The following MAPK8IP3 variants were observed in gnomAD, a reference collection of about 807,000 sequenced individuals.
MAPK8IP3 encodes the protein C-Jun-amino-terminal kinase-interacting protein 3.
MAPK8IP3 carries 49 observed loss-of-function variants against 157.8 expected under a neutral mutation model. The ratio of observed to expected loss-of-function variants is 0.31; its 90% CI spans 0.25 to 0.39. MAPK8IP3 has a LOEUF of 0.39. MAPK8IP3 is among the 10% of genes least tolerant of loss of function. The probability of loss-of-function intolerance (pLI) is 1.00; values close to 1 mark genes in which losing one functional copy is unlikely to be tolerated. For synonymous variants in MAPK8IP3, 897 were observed against 777.7 expected (o/e 1.15, Z -2.55); for missense variants, 1,478 against 1,889.4 (o/e 0.78, Z 4.04).
At chr16:1,747,860 C>T (rs936741649) in intron 6 of MAPK8IP3, among the ~76,000 whole-genome samples, 4 of 152,218 alleles carry the variant, frequency 2.6e-5, no homozygotes, top group African/African-American at 9.6e-5. Context: ...CACCCCATGG[C>T]ACACAGCCCC....
At chr16:1,767,006 G>T in intron 25 of MAPK8IP3, 35 bp downstream of exon 25, 1 of 1,569,580 alleles carries the variant, frequency 6.4e-7, no homozygotes. Context: ...GTGGGTGGCA[G>T]CTGATGGCCC....
chr16:1,730,249 A>G (rs924023647), intron 4 of MAPK8IP3, among the ~76,000 whole-genome samples: 1 of 151,990 alleles, frequency 6.6e-6, no homozygotes, highest in Non-Finnish European at 1.5e-5. Flanking sequence ...CAGCAGAGTG[A>G]GCCCCGTCTC....
intron 4 of MAPK8IP3, among the ~76,000 whole-genome samples, chr16:1,739,643 C>T (rs71385712): frequency 0.15 from 11,808 of 79,330 alleles, 1,261 homozygotes; most frequent in East Asian, 0.34. Flanking sequence ...TCCGTGTGAC[C>T]GTCCGTGTGA....
At chr16:1,765,202 C>T (rs1254326369) in intron 20 of MAPK8IP3, 24 bp downstream of exon 20, 9 of 1,575,096 alleles carry the variant, frequency 5.7e-6, no homozygotes, top group Admixed American at 1.7e-5. Context: ...GTGGGCGTTT[C>T]CACTCGGGCG....
intron 8 of MAPK8IP3, among the ~76,000 whole-genome samples, chr16:1,750,868 T>A (rs12933444): frequency 6.6e-6 from 1 of 151,838 alleles, no homozygotes; most frequent in Non-Finnish European, 1.5e-5. Context: ...CTGGTTTTGA[T>A]CTCCTGACCT....
At chr16:1,755,780 G>T (rs1358646842) in intron 8 of MAPK8IP3, among the ~76,000 whole-genome samples, 3 of 150,964 alleles carry the variant, frequency 2.0e-5, no homozygotes, top group South Asian at 4.2e-4. Flanking sequence ...CCGAGACGTG[G>T]AGGTTGCAGT....
intron 1 of MAPK8IP3, among the ~76,000 whole-genome samples, chr16:1,720,456 G>A (rs1292996290): frequency 6.6e-6 from 1 of 152,176 alleles, no homozygotes; most frequent in East Asian, 1.9e-4. Flanking sequence ...AAAAATGGAA[G>A]TGGTCGAGTA....
chr16:1,739,369 CGT>C (rs1695166152), intron 4 of MAPK8IP3, among the ~76,000 whole-genome samples: 1 of 124,096 alleles, frequency 8.1e-6, no homozygotes, highest in African/African-American at 3.1e-5. Context: ...TGTGAGCATC[CGT>C]GTGACCGTCC....
chr16:1,736,692 G>A (rs2039889876), intron 4 of MAPK8IP3, among the ~76,000 whole-genome samples: 1 of 73,948 alleles, frequency 1.4e-5, no homozygotes, highest in Admixed American at 1.9e-4. Flanking sequence ...CCGTGTGACC[G>A]ACCGTGTGAG....
rs772536508 is a variant in MAPK8IP3, at chr16:1,742,844, C to G, written c.603-488C>G. 6.6e-6 allele frequency among the ~76,000 whole-genome samples: 1 copy of G among 152,116 alleles called. No homozygotes were observed. The highest frequency in any genetic ancestry group is 1.9e-4 in the East Asian group (1 of 5,180). ...TGTCTGTTTAAAATTGAACTTAGGC[C>G]GGGCGCGGTGGCTCACGCCTGTAAT... On this transcript the variant is annotated intron_variant, in intron 4 of 31. Coordinates refer to ENST00000610761, the MANE Select transcript of MAPK8IP3 (RefSeq NM_001318852.2). The surrounding 1 kb of genome is among the most constrained non-coding windows in gnomAD (Gnocchi z 5.0).
intron 9 of MAPK8IP3, among the ~76,000 whole-genome samples, chr16:1,758,448 A>G (rs939918077): frequency 1.3e-5 from 2 of 152,162 alleles, no homozygotes; most frequent in African/African-American, 2.4e-5. Context: ...GTGACTGGAC[A>G]TGGCCAAGGC....
At chr16:1,761,180 C>T in intron 12 of MAPK8IP3, 44 bp from the exon 13 acceptor site, 1 of 1,508,662 alleles carries the variant, frequency 6.6e-7, no homozygotes, top group Non-Finnish European at 9.2e-7. Context: ...TCCCGAGGCC[C>T]CTGGGAGGCC....
rs1460761358 is a variant in MAPK8IP3 at position 1,742,153 on chromosome 16, C to T, written c.603-1179C>T. ...AGCAGTGTGGGCTCCAGCATCTGAC[C>T]ACGTGGCCTGCCCCCCAGACCTGAG... is the stretch of plus-strand genomic sequence containing the variant. On this transcript the variant is annotated intron_variant, in intron 4 of 31. Coordinates refer to ENST00000610761, the MANE Select transcript of MAPK8IP3 (RefSeq NM_001318852.2). This position sits in a 1 kb window ranked among gnomAD's most constrained non-coding sequence, Gnocchi z 5.0. Among the ~76,000 whole-genome samples the T allele has an allele frequency of 6.6e-6, 1 of 152,158 alleles. No individual in the cohort carries two copies. Among genetic ancestry groups the T allele is most frequent in the Non-Finnish European group, 1.5e-5 (1 of 68,030 alleles).
intron 4 of MAPK8IP3, among the ~76,000 whole-genome samples, chr16:1,737,970 GCGTGTGACCGTC>G (rs1199353716): frequency 1.2e-5 from 1 of 81,732 alleles, no homozygotes; most frequent in Non-Finnish European, 2.4e-5. Flanking sequence ...GTCCGTGTGA[GCGTGTGACCGTC>G]CGTGTGACCA....
intron 1 of MAPK8IP3, among the ~76,000 whole-genome samples, chr16:1,713,049 C>T (rs935937480): frequency 1.3e-5 from 2 of 152,240 alleles, no homozygotes; most frequent in African/African-American, 2.4e-5. Context: ...AGCCGGCTTT[C>T]CTCTGTCTCT....
intron 13 of MAPK8IP3, 111 bp downstream of exon 13, chr16:1,761,416 C>G (rs1023064863): frequency 3.1e-6 from 3 of 957,310 alleles, no homozygotes; most frequent in Non-Finnish European, 4.9e-6. Flanking sequence ...TCACCATTCA[C>G]AGGCAGAGCG....
chr16:1,727,689 G>T (rs1470524654), intron 2 of MAPK8IP3, among the ~76,000 whole-genome samples: 1 of 152,206 alleles, frequency 6.6e-6, no homozygotes, highest in Non-Finnish European at 1.5e-5. Flanking sequence ...CCTTAGGGAA[G>T]ACCAGACTGA....
chr16:1,742,449 G>C lies in MAPK8IP3; in HGVS notation c.603-883G>C, dbSNP rs1315378282. ...AGGTTCGGGGCTCCCTGACAGCAGA[G>C]AGGACACGTGGGGAGGGAGAAGACG... On this transcript the variant is annotated intron_variant, in intron 4 of 31. Transcript: ENST00000610761. The surrounding 1 kb of genome is among the most constrained non-coding windows in gnomAD (Gnocchi z 5.0). Among the ~76,000 whole-genome samples the C allele has an allele frequency of 6.6e-6, 1 of 152,220 alleles. No individual in the cohort carries two copies. The highest frequency in any genetic ancestry group is 6.5e-5 in the Admixed American group (1 of 15,282).
intron 4 of MAPK8IP3, among the ~76,000 whole-genome samples, chr16:1,737,481 ACCGT>A (rs1280065547): frequency 2.8e-4 from 17 of 61,510 alleles, no homozygotes; most frequent in African/African-American, 6.6e-4. Context: ...CATCTGTGTG[ACCGT>A]CCGTGTGAGC....
Sources: allele counts gnomAD v4.1 joint callset (sites outside exome capture counted in the v4.1 genomes callset), GRCh38; gene constraint gnomAD v4.1.1; non-coding constraint Gnocchi (gnomAD v3.1); transcripts MANE v1.5; gene names NCBI Gene and HGNC (gene_info 2026-07-23, HGNC 2026-07-21).